The following TNPO1 variants were observed in gnomAD, a reference collection of about 807,000 sequenced individuals.
TNPO1 encodes transportin-1.
Under a neutral mutation model 119.5 loss-of-function variants are expected in TNPO1, and 8 were observed. The observed-to-expected ratio is 0.07, with a 90% CI of 0.04 to 0.12. The LOEUF (loss-of-function observed/expected upper bound fraction) is 0.12. TNPO1 is among the 10% of genes least tolerant of loss of function. TNPO1 has a pLI of 1.00. For missense variants in TNPO1, 576 were observed against 1,089.8 expected (o/e 0.53, Z 6.64); for synonymous variants, 362 against 363.0 (o/e 1.00, Z 0.03).
At chr5:72,842,913 C>G (rs1211192565) in intron 1 of TNPO1, among the ~76,000 whole-genome samples, 1 of 152,142 alleles carries the variant, frequency 6.6e-6, no homozygotes, top group Non-Finnish European at 1.5e-5. Flanking sequence ...CCTAGCCTCA[C>G]TTTTGCTTTT....
chr5:72,899,105 A>G (rs1749640355), intron 20 of TNPO1, among the ~76,000 whole-genome samples: 1 of 152,098 alleles, frequency 6.6e-6, no homozygotes, highest in Non-Finnish European at 1.5e-5. Flanking sequence ...ATGTTTGCCC[A>G]CTTCAAAATT....
In TNPO1 at chr5:72,901,070, C is replaced by A. The variant is rs184492038; in HGVS notation, c.2511C>A (p.Ile837=). The A allele has an allele frequency of 1.9e-4, 306 of 1,592,210 alleles. No homozygotes were observed. The highest frequency in any genetic ancestry group is 2.6e-4 in the Non-Finnish European group (299 of 1,168,416). ...TMISVNPSGV[I]QDFIFFCDAV... is the part of the protein sequence containing the mutation. Reference sequence around the variant, plus strand: ...TCAGTGTGAATCCCAGTGGCGTAATCCAAGTAAGATGTTCACAAAGATTTG... The same window carrying A: ...TCAGTGTGAATCCCAGTGGCGTAATACAAGTAAGATGTTCACAAAGATTTG... Residue 837 remains isoleucine (I), a synonymous_variant, in exon 22 of 25, where the codon ATC becomes ATA. Transcript: ENST00000337273.
intron 7 of TNPO1, among the ~76,000 whole-genome samples, chr5:72,873,410 A>G (rs946900477): frequency 1.3e-5 from 2 of 152,132 alleles, no homozygotes; most frequent in Non-Finnish European, 2.9e-5. Context: ...GGGAAATTAT[A>G]AGGAAGAGTA....
At chr5:72,888,613 C>T (rs531332856) in intron 13 of TNPO1, among the ~76,000 whole-genome samples, 2 of 152,162 alleles carry the variant, frequency 1.3e-5, no homozygotes, top group African/African-American at 4.8e-5. Context: ...TCTTCTTTGG[C>T]TCATTTTTCC....
At chr5:72,856,236 T>C (rs531808473) in intron 4 of TNPO1, among the ~76,000 whole-genome samples, 128 of 152,090 alleles carry the variant, frequency 8.4e-4, no homozygotes, top group South Asian at 3.1e-3. Context: ...AGAGTTCTGT[T>C]TGTTTTTTTG....
At chr5:72,843,476 C>T (rs979777432) in intron 1 of TNPO1, among the ~76,000 whole-genome samples, 8 of 151,916 alleles carry the variant, frequency 5.3e-5, no homozygotes, top group Non-Finnish European at 8.8e-5. Context: ...CACCTGTAAT[C>T]CCAGCTACTC....
In TNPO1 at chr5:72,877,691, T is replaced by C. The variant is rs918184326; in HGVS notation, c.920+345T>C. Among the ~76,000 whole-genome samples, 7 of 152,242 alleles carry C rather than the reference T, an allele frequency of 4.6e-5. No individual in the cohort carries two copies. In the South Asian group the frequency reaches 1.0e-3, roughly 23 times the overall value. On this transcript the variant is annotated intron_variant, in intron 9 of 24. Coordinates refer to ENST00000337273, the MANE Select transcript of TNPO1 (RefSeq NM_002270.4). The stretch of plus-strand genomic sequence containing the variant: ...GAAGTTTTGTTTTTTTTCCAAAAAA[T>C]AATTTCCCACTAGTTGTGATGCAAC...
At chr5:72,821,039 G>A (rs573263279) in intron 1 of TNPO1, among the ~76,000 whole-genome samples, 21 of 152,154 alleles carry the variant, frequency 1.4e-4, no homozygotes, top group South Asian at 2.1e-4. Context: ...GAAAAGGCCC[G>A]TAAGTGCTAA....
At position 72,909,875 on chromosome 5, in the gene TNPO1, CTG is replaced by C. The variant is rs1186582142; in HGVS notation, c.*1205_*1206del. The C allele has an allele frequency of 6.6e-6, 1 of 152,556 alleles. No individual in the cohort carries two copies. The allele number at this position is 152,556 out of a possible 1,614,324, so 9.5% of individuals were successfully genotyped here. On this transcript the variant is annotated 3_prime_UTR_variant, in exon 25 of 25. Coordinates refer to ENST00000337273, the MANE Select transcript of TNPO1 (RefSeq NM_002270.4). ...ATATACCTGTGCAAAATCTTTGCCT[CTG>C]TGCTGTCAGTGTGATGTGCTTTCTG...
At chr5:72,822,257 G>A (rs1270062170) in intron 1 of TNPO1, among the ~76,000 whole-genome samples, 2 of 151,884 alleles carry the variant, frequency 1.3e-5, no homozygotes, top group African/African-American at 4.8e-5. Flanking sequence ...GAGGAAATAT[G>A]GCTAGCAGGT....
chr5:72,899,698 C>G (rs932082182), intron 20 of TNPO1, among the ~76,000 whole-genome samples: 2 of 152,060 alleles, frequency 1.3e-5, no homozygotes, highest in Admixed American at 6.6e-5. Context: ...AGAATGATAC[C>G]TTGACACTCG....
chr5:72,853,665 T>TTC (rs1396663240), intron 3 of TNPO1, among the ~76,000 whole-genome samples: 2 of 151,608 alleles, frequency 1.3e-5, no homozygotes, highest in Non-Finnish European at 2.9e-5. Context: ...ATGCATTTTT[T>TTC]TTTTTCCCTG....
intron 1 of TNPO1, among the ~76,000 whole-genome samples, chr5:72,840,129 G>A (rs548657839): frequency 1.3e-5 from 2 of 152,110 alleles, no homozygotes; most frequent in South Asian, 4.1e-4. Flanking sequence ...AACGCAGACC[G>A]CTCATAGTCT....
intron 11 of TNPO1, among the ~76,000 whole-genome samples, chr5:72,884,425 T>C (rs1748471330): frequency 1.3e-5 from 2 of 152,232 alleles, no homozygotes; most frequent in South Asian, 4.1e-4. Context: ...CATGAGTGTT[T>C]TCTGTCTGGT....
rs1750612360 is a variant in TNPO1, at chr5:72,912,202, CAGA to C, written c.*3534_*3536del. ...TGATTTTGTTATGCAAGTTAGATTT[CAGA>C]AGAATAGATTTTAAAACACTTAACC... On this transcript the variant is annotated 3_prime_UTR_variant, in exon 25 of 25. Coordinates refer to ENST00000337273, the MANE Select transcript of TNPO1 (RefSeq NM_002270.4). 1.3e-5 allele frequency: 2 copies of C among 152,536 alleles called. No homozygotes were observed. The highest frequency in any genetic ancestry group is 4.1e-4 in the South Asian group (2 of 4,824). 9.4% of individuals were successfully genotyped at this position (152,536 alleles called of 1,614,324 possible).
At chr5:72,860,093 G>A (rs531036050) in intron 4 of TNPO1, among the ~76,000 whole-genome samples, 34 of 152,036 alleles carry the variant, frequency 2.2e-4, no homozygotes, top group African/African-American at 6.7e-4. Flanking sequence ...TAAATTTGCC[G>A]GGAGCTTTAC....
intron 14 of TNPO1, among the ~76,000 whole-genome samples, chr5:72,890,998 C>T (rs1207602681): frequency 6.6e-6 from 1 of 151,968 alleles, no homozygotes; most frequent in Non-Finnish European, 1.5e-5. Context: ...AGACCACAGG[C>T]GTGTACCACC....
At chr5:72,877,758 T>C (rs1400005191) in intron 9 of TNPO1, among the ~76,000 whole-genome samples, 1 of 152,138 alleles carries the variant, frequency 6.6e-6, no homozygotes, top group Non-Finnish European at 1.5e-5. Flanking sequence ...TTTCTAAAAG[T>C]AAAGTAATAT....
At chr5:72,890,010 T>C in intron 14 of TNPO1, 53 bp downstream of exon 14, 2 of 1,564,580 alleles carry the variant, frequency 1.3e-6, no homozygotes, top group Non-Finnish European at 1.7e-6. Flanking sequence ...ATAGTTACAA[T>C]TAATAGATTA....
Sources: allele counts gnomAD v4.1 joint callset (sites outside exome capture counted in the v4.1 genomes callset), GRCh38; gene constraint gnomAD v4.1.1; transcripts MANE v1.5; gene names NCBI Gene and HGNC (gene_info 2026-07-23, HGNC 2026-07-21).